Variants in ACAD11 observed in about 807,000 individuals in gnomAD.
ACAD11 encodes acyl-CoA dehydrogenase family member 11, also known as acyl-Coenzyme A dehydrogenase family, member 11.
ACAD11 carries 83 observed loss-of-function variants against 102.2 expected under a neutral mutation model. The ratio of observed to expected loss-of-function variants is 0.81; its 90% CI spans 0.68 to 0.97. ACAD11 has a LOEUF of 0.97. Ranked by LOEUF, ACAD11 falls within the 50% of genes least tolerant of loss-of-function variation. ACAD11 has a pLI of 0.00. For synonymous variants in ACAD11, 324 were observed against 319.8 expected, an observed-to-expected ratio of 1.01 and a Z score of -0.14; for missense variants, 901 against 951.7, an observed-to-expected ratio of 0.95 and a Z score of 0.70.
intron 9 of ACAD11, among the ~76,000 whole-genome samples, chr3:132,623,941 G>A (rs1229305367): frequency 6.6e-6 from 1 of 152,112 alleles, no homozygotes. Flanking sequence ...GTAGGAATCA[G>A]GCAGTAATCA....
At chr3:132,599,589 A>C (rs1423963194) in intron 13 of ACAD11, among the ~76,000 whole-genome samples, 2 of 152,166 alleles carry the variant, frequency 1.3e-5, no homozygotes. Flanking sequence ...AATTGTGCAA[A>C]TGTGTGGAAG....
At chr3:132,609,757 A>T (rs1279009689) in intron 11 of ACAD11, among the ~76,000 whole-genome samples, 2 of 151,940 alleles carry the variant, frequency 1.3e-5, no homozygotes, top group Non-Finnish European at 2.9e-5. Flanking sequence ...AAAAAGAGGG[A>T]CTCCTTCCTA....
At chr3:132,653,743 T>C (rs933594459) in intron 1 of ACAD11, among the ~76,000 whole-genome samples, 2 of 152,278 alleles carry the variant, frequency 1.3e-5, no homozygotes, top group Admixed American at 6.5e-5. Flanking sequence ...ATACAAACCA[T>C]GGTTTTCCCC....
chr3:132,613,676 A>G (rs2107840468), intron 11 of ACAD11, among the ~76,000 whole-genome samples: 1 of 152,176 alleles, frequency 6.6e-6, no homozygotes, highest in East Asian at 1.9e-4. Context: ...AGGTGGATGG[A>G]TCACCTGAGG....
intron 17 of ACAD11, among the ~76,000 whole-genome samples, chr3:132,562,622 G>C (rs1937096152): frequency 6.6e-6 from 1 of 152,122 alleles, no homozygotes; most frequent in Admixed American, 6.5e-5. Flanking sequence ...TTTTATTTTA[G>C]TCATTTTAAG....
At chr3:132,651,447 A>T (rs1417772806) in intron 1 of ACAD11, among the ~76,000 whole-genome samples, 1 of 152,164 alleles carries the variant, frequency 6.6e-6, no homozygotes, top group African/African-American at 2.4e-5. Context: ...ATTTTCCTTG[A>T]CACTATCTCA....
At chr3:132,571,495 G>A (rs1373196504) in intron 17 of ACAD11, among the ~76,000 whole-genome samples, 10 of 152,020 alleles carry the variant, frequency 6.6e-5, no homozygotes, top group East Asian at 3.9e-4. Flanking sequence ...GCAGAAGCTC[G>A]TTAGTTTAAT....
intron 13 of ACAD11, among the ~76,000 whole-genome samples, chr3:132,582,711 T>C (rs922434301): frequency 4.0e-5 from 6 of 151,794 alleles, no homozygotes; most frequent in Admixed American, 6.6e-5. Flanking sequence ...AAATAGATAT[T>C]ATCTGAGAAA....
chr3:132,561,174 T>C lies in ACAD11; in HGVS notation c.2045A>G (p.Glu682Gly), dbSNP rs1330908663. Residue 682 changes from glutamate (E) to glycine (G), a missense_variant, in exon 18 of 20, where the codon GAG (glutamate) becomes GGG (glycine). By Grantham distance (98) the Glu-to-Gly change is moderately conservative (BLOSUM62 -2). Coordinates refer to ENST00000264990, the MANE Select transcript of ACAD11 (RefSeq NM_032169.5). ...HWIAESRIAI[E>G]KIRLLTLKAA... Reference sequence around the variant, plus strand: ...TTTCAGAGTCAACAAGCGGATCTTCTCAATGGCAATGCGGCTTTCAGCAAT... The same window carrying C: ...TTTCAGAGTCAACAAGCGGATCTTCCCAATGGCAATGCGGCTTTCAGCAAT... 1 of 1,613,384 alleles carries C rather than the reference T, an allele frequency of 6.2e-7. No individual in the cohort carries two copies. Among genetic ancestry groups the C allele is most frequent in the African/African-American group, 1.3e-5 (1 of 74,902 alleles).
intron 9 of ACAD11, among the ~76,000 whole-genome samples, chr3:132,625,052 A>T (rs369144167): frequency 3.9e-5 from 6 of 152,290 alleles, no homozygotes; most frequent in African/African-American, 1.4e-4. Flanking sequence ...ATAACAGGTT[A>T]TAAGAGACCA....
At chr3:132,567,441 GAAC>G (rs1013513166) in intron 17 of ACAD11, among the ~76,000 whole-genome samples, 1 of 151,850 alleles carries the variant, frequency 6.6e-6, no homozygotes, top group African/African-American at 2.4e-5. Context: ...ATAATACCTA[GAAC>G]AACCACCAAA....
intron 9 of ACAD11, 67 bp from the exon 10 acceptor site, chr3:132,619,612 T>C: frequency 1.2e-6 from 1 of 830,700 alleles, no homozygotes; most frequent in Non-Finnish European, 1.9e-6. Flanking sequence ...TGTCATAAAC[T>C]GCTAATATCT....
chr3:132,652,328 C>G (rs1417478763), intron 1 of ACAD11, among the ~76,000 whole-genome samples: 1 of 152,122 alleles, frequency 6.6e-6, no homozygotes, highest in Non-Finnish European at 1.5e-5. Flanking sequence ...TGTGAGGACT[C>G]CCCAGCCATG....
intron 1 of ACAD11, among the ~76,000 whole-genome samples, chr3:132,653,828 C>T (rs768704548): frequency 7.2e-5 from 11 of 152,150 alleles, no homozygotes; most frequent in Non-Finnish European, 8.8e-5. Context: ...TATTGGGGTG[C>T]CTTGGACTCA....
chr3:132,615,762 G>A (rs568463746), intron 11 of ACAD11, among the ~76,000 whole-genome samples: 4 of 152,204 alleles, frequency 2.6e-5, no homozygotes, highest in Non-Finnish European at 5.9e-5. Context: ...GTATACCTAC[G>A]TAACAAACCT....
intron 5 of ACAD11, among the ~76,000 whole-genome samples, chr3:132,636,611 G>T (rs1940283783): frequency 1.3e-5 from 2 of 152,144 alleles, no homozygotes; most frequent in South Asian, 4.1e-4. Flanking sequence ...AGTAAAATTT[G>T]CTTTGAATTT....
Position 132,631,343 on chromosome 3 carries a change from G to T in ACAD11, c.839C>A (p.Ser280Ter). 1 of 1,439,856 alleles carries T rather than the reference G, an allele frequency of 6.9e-7. No individual in the cohort carries two copies. Among genetic ancestry groups the T allele is most frequent in the Non-Finnish European group, 9.2e-7 (1 of 1,088,994 alleles). 89.2% of individuals were successfully genotyped at this position (1,439,856 alleles called of 1,614,324 possible). ...MINQGSYSEN[S>*]GIPSMEELIS... ...TAGACAACATTATGTTTTTATACCT[G>T]AGTTTTCACTATAAGAACCTTGATT... is the stretch of plus-strand genomic sequence containing the variant. The change falls in exon 6 of 20, where the codon TCA (serine) becomes TAA (stop). Residue 280 changes from serine (S) to a stop codon, truncating the protein, a stop_gained and splice_region_variant. Transcript: ENST00000264990. LOFTEE classifies it high-confidence loss of function.
In ACAD11 at chr3:132,642,694, C is replaced by T. The variant is rs138711095; in HGVS notation, c.358G>A (p.Val120Ile). The change falls in exon 3 of 20, where the codon GTA (valine) becomes ATA (isoleucine). Residue 120 changes from valine to isoleucine, a missense_variant. By Grantham distance (29) the Val-to-Ile change is conservative. Transcript: ENST00000264990. ...DTSVIGTEFY[V>I]MEHVQGRIFR... is the part of the protein sequence containing the mutation. ...TAATTTACCTGCACATGTTCCATTACGTAAAATTCTGTTCCAATGACAGAA... is the reference window on the plus strand; with the variant it reads ...TAATTTACCTGCACATGTTCCATTATGTAAAATTCTGTTCCAATGACAGAA... The T allele has an allele frequency of 2.5e-5, 40 of 1,607,208 alleles. No homozygotes were observed. The highest frequency in any genetic ancestry group is 1.1e-4 in the African/African-American group (8 of 74,594).
rs1042580629 is a variant in ACAD11, at chr3:132,576,952, A to T, written c.1838T>A (p.Leu613Gln). Residue 613 changes from leucine to glutamine, a missense_variant, in exon 16 of 20, where the codon CTA becomes CAA. Leu to Gln is a moderately radical substitution (Grantham distance 113). Transcript: ENST00000264990. Reference sequence around the variant, plus strand: ...TTCCAAATTCAACTCACCTAGTATTAGATTTGTGGCAGGAACTCGCACTTG... The same window carrying T: ...TTCCAAATTCAACTCACCTAGTATTTGATTTGTGGCAGGAACTCGCACTTG... ...FNQVRVPATN[L>Q]ILGEGRGFEI... 1.2e-6 allele frequency: 2 copies of T among 1,605,562 alleles called. No individual in the cohort carries two copies. The highest frequency in any genetic ancestry group is 2.7e-5 in the African/African-American group (2 of 74,750).
Sources: gnomAD v4.1 joint callset for allele counts (sites outside exome capture counted in the v4.1 genomes callset) on GRCh38, gnomAD v4.1.1 for gene constraint, MANE v1.5 for transcripts, NCBI Gene and HGNC (gene_info 2026-07-23, HGNC 2026-07-21) for gene names.